The following PIAS2 variants were observed in gnomAD, a reference collection of about 807,000 sequenced individuals.
PIAS2 encodes protein inhibitor of activated STAT 2, also known as E3 SUMO-protein ligase PIAS2.
A neutral mutation model predicts 69.7 loss-of-function variants in PIAS2; 19 were observed. The ratio of observed to expected loss-of-function variants is 0.27; its 90% confidence interval spans 0.19 to 0.40. The LOEUF is 0.40. PIAS2 is among the 10% of genes least tolerant of loss of function. The pLI is 1.00. For synonymous variants in PIAS2, 261 were observed against 263.2 expected, an observed-to-expected ratio of 0.99 and a Z score of 0.08; for missense variants, 624 against 757.0, an observed-to-expected ratio of 0.82 and a Z score of 2.06.
In PIAS2 at chr18:46,917,316, G is replaced by C. The variant is rs1284223528; in HGVS notation, c.24+6C>G. The C allele has an allele frequency of 6.8e-7, 1 of 1,475,594 alleles. No homozygotes were observed. Among genetic ancestry groups the C allele is most frequent in the Non-Finnish European group, 9.0e-7 (1 of 1,109,158 alleles). 91.4% of individuals were successfully genotyped at this position (1,475,594 alleles called of 1,614,324 possible). A position where few individuals can be genotyped will look rare whatever the true frequency, so the allele number is the denominator to read the frequency against. Reference sequence around the variant, plus strand: ...CCCGCGGCCTCCGCTCTCCACTCCCGCTTACCCTCAACTCTTCGAAATCCG... The same window carrying C: ...CCCGCGGCCTCCGCTCTCCACTCCCCCTTACCCTCAACTCTTCGAAATCCG... On this transcript the variant is annotated splice_donor_region_variant and intron_variant, in intron 1 of 13. Transcript: ENST00000585916.
chr18:46,816,946 C>A (rs1410318449), intron 12 of PIAS2: 1 of 935,580 alleles, frequency 1.1e-6, no homozygotes, highest in African/African-American at 1.8e-5. Flanking sequence ...TCAATAAATC[C>A]TCTCCCTTCT....
At chr18:46,906,774 G>GTGT (rs71264811) in intron 1 of PIAS2, among the ~76,000 whole-genome samples, 55 of 82,036 alleles carry the variant, frequency 6.7e-4, no homozygotes, top group Admixed American at 1.0e-3. Flanking sequence ...GTGTGTGTGT[G>GTGT]GGGGGGGGGG....
At chr18:46,838,721 C>T (rs1242215076) in intron 8 of PIAS2, among the ~76,000 whole-genome samples, 1 of 152,154 alleles carries the variant, frequency 6.6e-6, no homozygotes, top group Non-Finnish European at 1.5e-5. Flanking sequence ...AACTCTATGA[C>T]TCCAGAAAAG....
At position 46,809,302 on chromosome 18, in the gene PIAS2, C is replaced by T. The variant is rs1438750295; in HGVS notation, c.*3131G>A. On this transcript the variant is annotated 3_prime_UTR_variant, in exon 14 of 14. Coordinates refer to ENST00000585916, the MANE Select transcript of PIAS2 (RefSeq NM_004671.5). ...TAGGACAGATGCCAAGTTTTTATAA[C>T]TTCAGGCCAGAAAATCCTCAAGTGG... is the stretch of plus-strand genomic sequence containing the variant. 2 of 152,152 alleles carry T rather than the reference C, an allele frequency of 1.3e-5. No homozygotes were observed. Among genetic ancestry groups the T allele is most frequent in the Non-Finnish European group, 2.9e-5 (2 of 68,038 alleles). 9.4% of individuals were successfully genotyped at this position (152,152 alleles called of 1,614,324 possible).
chr18:46,845,574 C>A (rs2046046185), intron 6 of PIAS2, among the ~76,000 whole-genome samples: 1 of 151,860 alleles, frequency 6.6e-6, no homozygotes. Context: ...CACAAAGGAA[C>A]CTTCATTAGC....
chr18:46,851,301 C>A (rs1047014865), intron 5 of PIAS2, among the ~76,000 whole-genome samples: 4 of 152,234 alleles, frequency 2.6e-5, no homozygotes, highest in Non-Finnish European at 5.9e-5. Context: ...CCTCTCTACT[C>A]TTTGGGATCT....
intron 9 of PIAS2, among the ~76,000 whole-genome samples, chr18:46,831,105 G>A (rs1180590960): frequency 6.6e-6 from 1 of 152,064 alleles, no homozygotes; most frequent in African/African-American, 2.4e-5. Context: ...GAAAGAAGAA[G>A]TAAAACTGTC....
chr18:46,840,810 T>A (rs1254838184), intron 8 of PIAS2, among the ~76,000 whole-genome samples: 2 of 152,224 alleles, frequency 1.3e-5, no homozygotes, highest in Admixed American at 6.5e-5. Flanking sequence ...ATTATTTTTA[T>A]GAATGGTTAT....
chr18:46,819,907 A>G (rs2041983466), intron 12 of PIAS2, among the ~76,000 whole-genome samples: 1 of 152,110 alleles, frequency 6.6e-6, no homozygotes, highest in Admixed American at 6.6e-5. Flanking sequence ...TAATTCTAGC[A>G]ACCTTAATAT....
At chr18:46,821,131 G>A in intron 11 of PIAS2, 59 bp from the exon 12 acceptor site, 1 of 1,572,698 alleles carries the variant, frequency 6.4e-7, no homozygotes, top group African/African-American at 1.4e-5. Context: ...CAGGAGAGAA[G>A]AGCTGCACCA....
At chr18:46,879,521 TA>T (rs2051832111) in intron 2 of PIAS2, among the ~76,000 whole-genome samples, 1 of 152,152 alleles carries the variant, frequency 6.6e-6, no homozygotes, top group Non-Finnish European at 1.5e-5. Flanking sequence ...TAATTAAAAA[TA>T]GAATTACCAT....
At chr18:46,868,246 T>C (rs992294571) in intron 2 of PIAS2, among the ~76,000 whole-genome samples, 5 of 152,344 alleles carry the variant, frequency 3.3e-5, no homozygotes, top group African/African-American at 1.2e-4. Flanking sequence ...TTCCCTGTTC[T>C]TTGCTCTTAA....
At chr18:46,843,858 T>C (rs2045770862) in intron 8 of PIAS2, 196 bp downstream of exon 8, 3 of 405,520 alleles carry the variant, frequency 7.4e-6, no homozygotes, top group Non-Finnish European at 1.3e-5. Context: ...TAAAGCTATC[T>C]TCCCTCTTCT....
At chr18:46,917,606 C>G (rs1352858271), upstream of PIAS2, 1 of 997,900 alleles carries the variant, frequency 1.0e-6, no homozygotes, top group African/African-American at 1.7e-5. Flanking sequence ...GCCTTCAGTC[C>G]GCGCGGCGAC....
rs551144469 is a variant in PIAS2 at position 46,890,908 on chromosome 18, G to A, written c.171C>T (p.Ile57=). 1.6e-4 allele frequency: 252 copies of A among 1,614,128 alleles called. 2 individuals carry two copies. In the South Asian group the frequency reaches 2.7e-3, roughly 17 times the overall value. The stretch of plus-strand genomic sequence containing the variant: ...GATATCGGCGTCTATACAATTCTCG[G>A]ATTTTAATCTGAACCGCAGGGCTGC... The part of the protein sequence containing the change: ...SGCSPAVQIK[I]RELYRRRYPR... Residue 57 remains isoleucine, a synonymous_variant, in exon 2 of 14, where the codon ATC becomes ATT. Coordinates refer to ENST00000585916, the MANE Select transcript of PIAS2 (RefSeq NM_004671.5).
intron 1 of PIAS2, among the ~76,000 whole-genome samples, chr18:46,914,063 C>G (rs1273342374): frequency 6.6e-6 from 1 of 152,194 alleles, no homozygotes; most frequent in African/African-American, 2.4e-5. Flanking sequence ...CTAGTTAATT[C>G]AAAATCTGTT....
chr18:46,805,176 G>A lies in PIAS2; in HGVS notation c.*7257C>T, dbSNP rs2040629174. On this transcript the variant is annotated 3_prime_UTR_variant, in exon 14 of 14. Transcript: ENST00000585916. ...TTATAACTGATGAGAATGGGCAAAG[G>A]AACTATGCTACGTCATGTCGGAGGA... The A allele has an allele frequency of 6.6e-6, 1 of 152,212 alleles. No individual in the cohort carries two copies. The highest frequency in any genetic ancestry group is 6.5e-5 in the Admixed American group (1 of 15,284). 9.4% of individuals were successfully genotyped at this position (152,212 alleles called of 1,614,324 possible).
At chr18:46,818,469 G>T in intron 12 of PIAS2, 1 of 1,545,122 alleles carries the variant, frequency 6.5e-7, no homozygotes. Flanking sequence ...GAAGATTCAT[G>T]TTTATGATGT....
chr18:46,904,948 C>T (rs773140233), intron 1 of PIAS2, among the ~76,000 whole-genome samples: 4 of 151,742 alleles, frequency 2.6e-5, no homozygotes, highest in Admixed American at 6.6e-5. Context: ...AAATGAAAAA[C>T]GAAACAAAAT....
Sources: allele counts gnomAD v4.1 joint callset (sites outside exome capture counted in the v4.1 genomes callset), GRCh38; gene constraint gnomAD v4.1.1; transcripts MANE v1.5; gene names NCBI Gene and HGNC (gene_info 2026-07-23, HGNC 2026-07-21).